The following SAMD12 variants were observed in gnomAD, a reference collection of about 807,000 sequenced individuals.
The protein encoded by SAMD12 is sterile alpha motif domain containing 12.
A neutral mutation model predicts 15.0 loss-of-function variants in SAMD12; 9 were observed. The ratio of observed to expected loss-of-function variants is 0.60; its 90% CI spans 0.36 to 1.05. SAMD12 has a LOEUF of 1.05. Among genes scored for constraint, SAMD12 ranks in the 50% least tolerant of loss-of-function variants. The probability of loss-of-function intolerance (pLI) is 0.01; values close to 1 mark genes in which losing one functional copy is unlikely to be tolerated. For synonymous variants in SAMD12, 86 were observed against 90.1 expected, an observed-to-expected ratio of 0.96 and a Z score of 0.25; for missense variants, 230 against 234.2, an observed-to-expected ratio of 0.98 and a Z score of 0.12.
At chr8:118,446,614 CTATGAAA>C (rs1822922333) in intron 2 of SAMD12, among the ~76,000 whole-genome samples, 1 of 152,140 alleles carries the variant, frequency 6.6e-6, no homozygotes, top group Non-Finnish European at 1.5e-5. Flanking sequence ...AAAACGTATC[CTATGAAA>C]TAGGCCACAC....
chr8:118,415,810 C>T (rs1034540173), intron 3 of SAMD12, among the ~76,000 whole-genome samples: 10 of 152,126 alleles, frequency 6.6e-5, no homozygotes, highest in Non-Finnish European at 1.2e-4. Context: ...CTCCGGGGCA[C>T]ATTCCACACG....
chr8:118,521,432 T>G (rs1449914549), intron 2 of SAMD12, among the ~76,000 whole-genome samples: 1 of 152,150 alleles, frequency 6.6e-6, no homozygotes, highest in Non-Finnish European at 1.5e-5. Context: ...TGAAGGAGGG[T>G]ACATTTGAAA....
chr8:118,148,631 G>A, the SAMD12 span, among the ~76,000 whole-genome samples: 641 of 152,230 alleles, frequency 4.2e-3, 5 homozygotes, highest in African/African-American at 0.015. Flanking sequence ...TCCAGTTCTA[G>A]AATATTTCCA....
intron 4 of SAMD12, among the ~76,000 whole-genome samples, chr8:118,343,362 G>A (rs1817467946): frequency 6.8e-6 from 1 of 147,662 alleles, no homozygotes; most frequent in Non-Finnish European, 1.5e-5. Flanking sequence ...GGTAGTTTTG[G>A]AGGGGGGGAA....
At chr8:118,398,879 TTGTG>T (rs1263492570) in intron 3 of SAMD12, among the ~76,000 whole-genome samples, 2 of 151,998 alleles carry the variant, frequency 1.3e-5, no homozygotes, top group East Asian at 3.9e-4. Flanking sequence ...GCTGTTTTTT[TTGTG>T]TGTGTTTGTT....
intron 2 of SAMD12, among the ~76,000 whole-genome samples, chr8:118,550,263 A>T (rs1232842803): frequency 6.6e-6 from 1 of 152,224 alleles, no homozygotes; most frequent in African/African-American, 2.4e-5. Context: ...AAAAAATGTT[A>T]AGGGCAGCCA....
chr8:118,568,747 A>C (rs1290920125), intron 2 of SAMD12, among the ~76,000 whole-genome samples: 1 of 152,202 alleles, frequency 6.6e-6, no homozygotes, highest in African/African-American at 2.4e-5. Context: ...AGAGGAGGAA[A>C]GCTTATTGAC....
the SAMD12 span, among the ~76,000 whole-genome samples, chr8:118,173,748 G>A: frequency 3.3e-5 from 5 of 150,992 alleles, no homozygotes; most frequent in South Asian, 1.0e-3. Context: ...TCATGCCTCA[G>A]CTTCCCGCAT....
At chr8:118,432,895 C>T (rs1822456990) in intron 3 of SAMD12, among the ~76,000 whole-genome samples, 1 of 152,124 alleles carries the variant, frequency 6.6e-6, no homozygotes, top group African/African-American at 2.4e-5. Context: ...ACCACCACTG[C>T]CACTGCCGCC....
intron 4 of SAMD12, among the ~76,000 whole-genome samples, chr8:118,356,769 T>C (rs894874499): frequency 5.3e-5 from 8 of 152,182 alleles, no homozygotes; most frequent in African/African-American, 1.9e-4. Flanking sequence ...ACCTCTCTCA[T>C]TTCCAGGACA....
intron 2 of SAMD12, among the ~76,000 whole-genome samples, chr8:118,548,197 G>A (rs1826186078): frequency 1.3e-5 from 2 of 152,142 alleles, no homozygotes; most frequent in Non-Finnish European, 2.9e-5. Flanking sequence ...ACAAATATGA[G>A]CAACAGACAA....
intron 2 of SAMD12, among the ~76,000 whole-genome samples, chr8:118,573,498 A>G (rs1046043615): frequency 3.3e-5 from 5 of 152,192 alleles, no homozygotes; most frequent in Non-Finnish European, 5.9e-5. Flanking sequence ...TTGAGGAATC[A>G]CCATACTGTC....
downstream of SAMD12, among the ~76,000 whole-genome samples, chr8:118,376,505 G>T (rs777385029): frequency 3.3e-5 from 5 of 152,058 alleles, no homozygotes; most frequent in African/African-American, 9.7e-5. Flanking sequence ...ATCTGCTGGC[G>T]CCCTGATCTT....
intron 2 of SAMD12, among the ~76,000 whole-genome samples, chr8:118,490,842 G>A (rs1233511812): frequency 2.0e-5 from 3 of 152,058 alleles, no homozygotes; most frequent in Non-Finnish European, 4.4e-5. Context: ...TTATCTGCAC[G>A]GTTACACAGA....
chr8:118,258,510 C>T (rs1441742081), intron 4 of SAMD12, among the ~76,000 whole-genome samples: 1 of 152,030 alleles, frequency 6.6e-6, no homozygotes, highest in Non-Finnish European at 1.5e-5. Context: ...ATGTTAGGTG[C>T]TAATACACTG....
chr8:118,170,575 T>C, the SAMD12 span, among the ~76,000 whole-genome samples: 1 of 152,138 alleles, frequency 6.6e-6, no homozygotes, highest in African/African-American at 2.4e-5. Context: ...GACAATTTAA[T>C]GGGGAAAAGG....
At chr8:118,324,071 C>T (rs563770437) in intron 4 of SAMD12, among the ~76,000 whole-genome samples, 15 of 152,032 alleles carry the variant, frequency 9.9e-5, no homozygotes, top group Non-Finnish European at 1.9e-4. Flanking sequence ...TCATTTTTGC[C>T]GATTCCTTCT....
chr8:118,487,379 G>A (rs1824319877), intron 2 of SAMD12, among the ~76,000 whole-genome samples: 1 of 152,220 alleles, frequency 6.6e-6, no homozygotes. Flanking sequence ...AGGACCAGGA[G>A]GGGCTGGAAG....
Position 118,256,063 on chromosome 8 carries a change from G to T in SAMD12, c.434-58331C>A, listed in dbSNP as rs1334198364. Among the ~76,000 whole-genome samples the T allele has an allele frequency of 2.0e-5, 3 of 152,122 alleles. No individual in the cohort carries two copies. The East Asian group carries it at 5.8e-4, about 29-fold the overall frequency. The stretch of plus-strand genomic sequence containing the variant: ...ATTGCCATTCTAACTGGTGTGAGAT[G>T]GTATCTTATTGTGGTTTTGATTTGC... On this transcript the variant is annotated intron_variant, in intron 4 of 4. Transcript: ENST00000409003.
Sources: gnomAD v4.1 joint callset for allele counts (sites outside exome capture counted in the v4.1 genomes callset) on GRCh38, gnomAD v4.1.1 for gene constraint, MANE v1.5 for transcripts, NCBI Gene and HGNC (gene_info 2026-07-23, HGNC 2026-07-21) for gene names.